Variants in DMXL1 observed in about 807,000 individuals in gnomAD.
The protein encoded by DMXL1 is dmX-like protein 1.
In DMXL1, 99 loss-of-function variants were observed where a neutral mutation model predicts 319.2. The ratio of observed to expected loss-of-function variants is 0.31; its 90% confidence interval spans 0.26 to 0.37. The LOEUF is 0.37. DMXL1 is among the 10% of genes least tolerant of loss of function. The probability of loss-of-function intolerance (pLI) is 1.00; values close to 1 mark genes in which losing one functional copy is unlikely to be tolerated. For missense variants in DMXL1, 3,745 were observed against 3,595.6 expected, an observed-to-expected ratio of 1.04 and a Z score of -1.06; for synonymous variants, 1,385 against 1,235.2, an observed-to-expected ratio of 1.12 and a Z score of -2.54.
chr5:119,141,338 A>G (rs951231540), intron 13 of DMXL1, among the ~76,000 whole-genome samples: 6 of 152,180 alleles, frequency 3.9e-5, no homozygotes, highest in Non-Finnish European at 8.8e-5. Flanking sequence ...ACATGTTTCT[A>G]TATCTAGATA....
chr5:119,165,028 G>C (rs1263382710), intron 20 of DMXL1, among the ~76,000 whole-genome samples, 155 bp from the exon 21 acceptor site: 1 of 151,770 alleles, frequency 6.6e-6, no homozygotes, highest in African/African-American at 2.4e-5. Flanking sequence ...AGTCACTTTT[G>C]TTATTATTTT....
chr5:119,242,377 A>G (rs1264370539), intron 42 of DMXL1, among the ~76,000 whole-genome samples: 1 of 152,220 alleles, frequency 6.6e-6, no homozygotes, highest in Non-Finnish European at 1.5e-5. Context: ...TTACAATAGC[A>G]CCCAAAACAA....
chr5:119,231,586 C>G (rs1300498292), intron 38 of DMXL1, among the ~76,000 whole-genome samples: 1 of 152,164 alleles, frequency 6.6e-6, no homozygotes, highest in Admixed American at 6.5e-5. Flanking sequence ...CTTCATGTTC[C>G]TCTGCTGAGA....
At position 119,134,034 on chromosome 5, in the gene DMXL1, G is replaced by A; in HGVS notation, c.2110G>A (p.Glu704Lys). 6.2e-7 allele frequency: 1 copy of A among 1,614,160 alleles called. No individual in the cohort carries two copies. The highest frequency in any genetic ancestry group is 8.5e-7 in the Non-Finnish European group (1 of 1,180,022). Residue 704 changes from glutamate to lysine, a missense_variant, in exon 12 of 44, where the codon GAG becomes AAG. Glu to Lys is a moderately conservative substitution (Grantham distance 56, BLOSUM62 1). Around this residue, in one of 4 missense-constraint regions of DMXL1, gnomAD observed 2,096 missense variants for 1,985.4 expected, o/e 1.06. Coordinates refer to ENST00000539542, the MANE Select transcript of DMXL1 (RefSeq NM_001290321.3). ...TCAGGATCCCAGTGCAGTTTACAGT[G>A]AGCTTATTCTGTGGAGGGTTGACCC... ...AFQDPSAVYS[E>K]LILWRVDPVG...
Position 119,129,311 on chromosome 5 carries a change from T to A in DMXL1, c.1203T>A (p.His401Gln). 1 of 1,613,778 alleles carries A rather than the reference T, an allele frequency of 6.2e-7. No individual in the cohort carries two copies. The highest frequency in any genetic ancestry group is 8.5e-7 in the Non-Finnish European group (1 of 1,179,810). ...VVHWLNNKEL[H>Q]FTLSMEVFLQ... is the part of the protein sequence containing the mutation. ...ACTGGCTAAACAATAAAGAACTGCA[T>A]TTTACTTTGTCCATGGAAGTTTTTT... The change falls in exon 10 of 44, where the codon CAT becomes CAA. Residue 401 changes from histidine (H) to glutamine (Q), a missense_variant. Transcript: ENST00000539542.
chr5:119,245,460 G>A (rs1256938488), intron 43 of DMXL1, among the ~76,000 whole-genome samples: 1 of 151,438 alleles, frequency 6.6e-6, no homozygotes, highest in Admixed American at 6.6e-5. Context: ...TATACCAACA[G>A]AATTATTTTC....
intron 9 of DMXL1, among the ~76,000 whole-genome samples, chr5:119,121,426 C>T (rs918306601): frequency 6.6e-5 from 10 of 151,966 alleles, no homozygotes; most frequent in East Asian, 3.9e-4. Context: ...GAGGACCCTG[C>T]GGCCTTCCGC....
intron 2 of DMXL1, among the ~76,000 whole-genome samples, chr5:119,099,689 A>G (rs1418866104): frequency 1.3e-5 from 2 of 152,180 alleles, no homozygotes; most frequent in African/African-American, 2.4e-5. Context: ...GATAGACTAT[A>G]TGACAGTCCA....
rs1428133288 is a variant in DMXL1 at position 119,123,370 on chromosome 5, A to AGAGGGAGAG, written c.1102+2233_1102+2241dup. On this transcript the variant is annotated intron_variant, in intron 9 of 43. Coordinates refer to ENST00000539542, the MANE Select transcript of DMXL1 (RefSeq NM_001290321.3). ...GAGAGGAGGGAGAGGGAGAGGAGGG[A>AGAGGGAGAG]GAGGGAGAGGGAGAGGAGGGAGAGG... Among the ~76,000 whole-genome samples the AGAGGGAGAG allele has an allele frequency of 4.3e-3, 130 of 30,240 alleles. 2 individuals carry two copies. Among genetic ancestry groups the AGAGGGAGAG allele is most frequent in the Middle Eastern group, 0.023 (1 of 44 alleles). The allele number at this position is 30,240 out of a possible 152,430, so 19.8% of individuals were successfully genotyped here. A position where few individuals can be genotyped will look rare whatever the true frequency, so the allele number is the denominator to read the frequency against.
intron 29 of DMXL1, among the ~76,000 whole-genome samples, chr5:119,190,914 G>A (rs1318307679): frequency 6.6e-6 from 1 of 152,156 alleles, no homozygotes; most frequent in African/African-American, 2.4e-5. Flanking sequence ...TTTGTTTAAG[G>A]CACAGAAGAA....
At chr5:119,121,430 C>A (rs558812742) in intron 9 of DMXL1, among the ~76,000 whole-genome samples, 2 of 152,080 alleles carry the variant, frequency 1.3e-5, no homozygotes, top group East Asian at 3.9e-4. Flanking sequence ...ACCCTGCGGC[C>A]TTCCGCTGTG....
Position 119,149,637 on chromosome 5 carries a change from C to G in DMXL1, c.3810C>G (p.Asn1270Lys). The change falls in exon 18 of 44, where the codon AAC (asparagine) becomes AAG (lysine). Residue 1270 changes from asparagine to lysine, a missense_variant. By Grantham distance (94) the Asn-to-Lys change is moderately conservative. Around this residue, in one of 4 missense-constraint regions of DMXL1, gnomAD observed 2,096 missense variants for 1,985.4 expected, o/e 1.06. Transcript: ENST00000539542. ...PSITSLIKQS[N>K]SSSGLHPPKK... ...TAACAAGTTTAATAAAACAGAGTAA[C>G]TCCAGTTCTGGGTTACATCCTCCAA... 1 of 1,613,930 alleles carries G rather than the reference C, an allele frequency of 6.2e-7. No homozygotes were observed. The highest frequency in any genetic ancestry group is 1.1e-5 in the South Asian group (1 of 91,084).
At chr5:119,235,124 T>TC (rs569741360) in intron 39 of DMXL1, among the ~76,000 whole-genome samples, 71 of 152,232 alleles carry the variant, frequency 4.7e-4, no homozygotes, top group African/African-American at 1.6e-3. Flanking sequence ...AAGAGATAAC[T>TC]CACACTGTAT....
At chr5:119,133,413 T>A in intron 11 of DMXL1, 28 bp downstream of exon 11, 1 of 1,598,276 alleles carries the variant, frequency 6.3e-7, no homozygotes. Context: ...GGAGAGCTAC[T>A]TCCTTGTTTA....
chr5:119,226,348 T>C (rs1047291262), intron 38 of DMXL1, among the ~76,000 whole-genome samples: 5 of 152,206 alleles, frequency 3.3e-5, no homozygotes, highest in Admixed American at 6.5e-5. Flanking sequence ...GAAAATGTTA[T>C]GAGACAGGAT....
At chr5:119,082,506 C>A (rs1420949802) in intron 1 of DMXL1, among the ~76,000 whole-genome samples, 1 of 152,090 alleles carries the variant, frequency 6.6e-6, no homozygotes, top group Non-Finnish European at 1.5e-5. Context: ...AACTCCTGGG[C>A]TCAAGCAATC....
At chr5:119,221,835 G>A (rs958238884) in intron 37 of DMXL1, among the ~76,000 whole-genome samples, 7 of 149,170 alleles carry the variant, frequency 4.7e-5, no homozygotes, top group African/African-American at 1.5e-4. Flanking sequence ...TAAGCAAAAA[G>A]CAATATAATA....
chr5:119,173,772 G>GTATATATA (rs1775165324), intron 25 of DMXL1, among the ~76,000 whole-genome samples: 1 of 36,864 alleles, frequency 2.7e-5, no homozygotes, highest in Non-Finnish European at 4.9e-5. Flanking sequence ...ATATATGTGT[G>GTATATATA]TGTGTATATA....
Position 119,170,257 on chromosome 5 carries a change from T to G in DMXL1, c.5466T>G (p.Leu1822=). The G allele has an allele frequency of 6.2e-7, 1 of 1,613,670 alleles. No individual in the cohort carries two copies. The highest frequency in any genetic ancestry group is 1.3e-5 in the African/African-American group (1 of 75,040). The part of the protein sequence containing the change: ...NFYNYLRTHP[L]LLRRHFGSSD... ...ACAATTATCTAAGAACACATCCTCT[T>G]TTGCTGAGACGTCATTTTGGATCAT... is the stretch of plus-strand genomic sequence containing the variant. Residue 1822 remains leucine, a synonymous_variant, in exon 24 of 44, where the codon CTT becomes CTG. Transcript: ENST00000539542.
Sources: allele counts gnomAD v4.1 joint callset (sites outside exome capture counted in the v4.1 genomes callset), GRCh38; gene constraint gnomAD v4.1.1; regional missense constraint gnomAD v4.1.1; transcripts MANE v1.5; gene names NCBI Gene and HGNC (gene_info 2026-07-23, HGNC 2026-07-21).